The following ADAM20 variants were observed in gnomAD, a reference collection of about 807,000 sequenced individuals.
ADAM20 encodes disintegrin and metalloproteinase domain-containing protein 20.
For synonymous variants in ADAM20, 305 were observed against 310.2 expected (o/e 0.98, Z 0.18); for missense variants, 871 against 883.2 (o/e 0.99, Z 0.18).
the ADAM20 span, among the ~76,000 whole-genome samples, chr14:70,563,141 C>T: frequency 1.3e-5 from 2 of 152,078 alleles, no homozygotes; most frequent in African/African-American, 4.8e-5. Flanking sequence ...AGTCACATGA[C>T]CATAACTGGA....
At chr14:70,527,945 T>C (rs1004135525) in intron 1 of ADAM20, among the ~76,000 whole-genome samples, 1 of 152,216 alleles carries the variant, frequency 6.6e-6, no homozygotes, top group Non-Finnish European at 1.5e-5. Flanking sequence ...AACCACATTA[T>C]AGTATCCTTC....
At chr14:70,544,218 A>G in the ADAM20 span, among the ~76,000 whole-genome samples, 8 of 152,358 alleles carry the variant, frequency 5.3e-5, no homozygotes, top group Non-Finnish European at 8.8e-5. Flanking sequence ...AGTCTGTAAG[A>G]GAGAGCACTC....
rs143888877 is a variant in ADAM20, at chr14:70,523,606, A to C, written c.1152T>G (p.Tyr384Ter). 6.2e-7 allele frequency: 1 copy of C among 1,614,064 alleles called. No homozygotes were observed. The change falls in exon 2 of 2, where the codon TAT (tyrosine) becomes TAG (stop). Residue 384 changes from tyrosine (Y) to a stop codon, truncating the protein, a stop_gained. Transcript: ENST00000256389. LOFTEE classifies it low-confidence loss of function (END_TRUNC). Reference protein sequence around the residue: ...TKFSNCSYAQYWDSTISSGLC... With the variant: ...TKFSNCSYAQ Reference sequence around the variant, plus strand: ...ATCCACTACTGATAGTACTGTCCCAATATTGGGCATAACTGCAGTTGCTAA... The same window carrying C: ...ATCCACTACTGATAGTACTGTCCCACTATTGGGCATAACTGCAGTTGCTAA...
chr14:70,554,867 A>T, the ADAM20 span, among the ~76,000 whole-genome samples: 1 of 152,186 alleles, frequency 6.6e-6, no homozygotes, highest in Admixed American at 6.5e-5. Context: ...CAAGGAAGGA[A>T]CGAAGGGATT....
At chr14:70,564,163 A>G in the ADAM20 span, among the ~76,000 whole-genome samples, 5 of 152,260 alleles carry the variant, frequency 3.3e-5, no homozygotes, top group African/African-American at 1.2e-4. Flanking sequence ...GACAACTAGG[A>G]GCAAAACAGA....
At chr14:70,565,506 A>G in the ADAM20 span, among the ~76,000 whole-genome samples, 2 of 152,202 alleles carry the variant, frequency 1.3e-5, no homozygotes, top group Non-Finnish European at 2.9e-5. Flanking sequence ...GAATTTTCAA[A>G]CCAGCAAGAG....
chr14:70,553,770 TA>T, the ADAM20 span, among the ~76,000 whole-genome samples: 68 of 149,488 alleles, frequency 4.5e-4, no homozygotes, highest in African/African-American at 1.6e-3. Context: ...AAAACTGGTA[TA>T]AAAGGAACAT....
At chr14:70,567,154 G>A in the ADAM20 span, among the ~76,000 whole-genome samples, 2 of 152,136 alleles carry the variant, frequency 1.3e-5, no homozygotes, top group Non-Finnish European at 2.9e-5. Context: ...AGGAATTCAT[G>A]TACTCCCCTG....
rs1883511431 is a variant in ADAM20 at position 70,523,697 on chromosome 14, G to A, written c.1061C>T (p.Thr354Ile). 10 of 1,614,014 alleles carry A rather than the reference G, an allele frequency of 6.2e-6. No individual in the cohort carries two copies. Among genetic ancestry groups the A allele is most frequent in the Non-Finnish European group, 8.5e-6 (10 of 1,179,960 alleles). Residue 354 changes from threonine (T) to isoleucine (I), a missense_variant, in exon 2 of 2, where the codon ACC becomes ATC. Thr to Ile is a moderately conservative substitution (Grantham distance 89). Coordinates refer to ENST00000256389, the MANE Select transcript of ADAM20 (RefSeq NM_003814.5). ...CTGTAGCTCGCACACACACCACTGGGTGTCATGTTGCATACCCAAATTATG... is the reference window on the plus strand; with the variant it reads ...CTGTAGCTCGCACACACACCACTGGATGTCATGTTGCATACCCAAATTATG... The part of the protein sequence containing the change: ...LGHNLGMQHD[T>I]QWCVCELQWC...
At chr14:70,539,919 C>A (rs568284459), upstream of ADAM20, among the ~76,000 whole-genome samples, 1 of 152,316 alleles carries the variant, frequency 6.6e-6, no homozygotes, top group African/African-American at 2.4e-5. Context: ...CGGTGACCCC[C>A]CTGGACCCAG....
upstream of ADAM20, among the ~76,000 whole-genome samples, chr14:70,539,077 C>T (rs1290489659): frequency 2.0e-5 from 3 of 149,108 alleles, no homozygotes; most frequent in Admixed American, 6.7e-5. Context: ...ACTGCCAGAA[C>T]GAGCCAACAG....
the ADAM20 span, among the ~76,000 whole-genome samples, chr14:70,565,510 G>A: frequency 3.9e-5 from 6 of 152,208 alleles, no homozygotes; most frequent in South Asian, 8.3e-4. Flanking sequence ...TTTCAAACCA[G>A]CAAGAGAAAA....
chr14:70,576,904 C>G, the ADAM20 span, among the ~76,000 whole-genome samples: 1 of 152,174 alleles, frequency 6.6e-6, no homozygotes. Context: ...GGGGGATTCA[C>G]AACCCAGTGA....
the ADAM20 span, among the ~76,000 whole-genome samples, chr14:70,574,657 A>G: frequency 6.6e-6 from 1 of 152,108 alleles, no homozygotes; most frequent in African/African-American, 2.4e-5. Flanking sequence ...AAAAGAAAGA[A>G]AGAAAGAAGA....
intron 1 of ADAM20, 60 bp from the exon 2 acceptor site, chr14:70,524,993 G>A: frequency 7.2e-7 from 1 of 1,392,286 alleles, no homozygotes; most frequent in South Asian, 1.4e-5. Context: ...GAGAAAAAAG[G>A]CAAAGTGATT....
chr14:70,540,122 G>T, the ADAM20 span, among the ~76,000 whole-genome samples: 1 of 152,018 alleles, frequency 6.6e-6, no homozygotes, highest in South Asian at 2.1e-4. Context: ...CTCGTGATCC[G>T]CCTGCCTTGG....
rs1883541476 is a variant in ADAM20 at position 70,524,533 on chromosome 14, G to A, written c.225C>T (p.His75=). The A allele has an allele frequency of 1.2e-6, 2 of 1,613,874 alleles. No homozygotes were observed. The highest frequency in any genetic ancestry group is 1.1e-5 in the South Asian group (1 of 91,076). Residue 75 remains histidine (H), a synonymous_variant, in exon 2 of 2, where the codon CAC becomes CAT. Transcript: ENST00000256389. ...CAAACAACAGCTTATTTACCCTCATGTGGACAATGTATCTCTGTCCCCCAA... is the reference window on the plus strand; with the variant it reads ...CAAACAACAGCTTATTTACCCTCATATGGACAATGTATCTCTGTCCCCCAA... ...LRFGGQRYIV[H]MRVNKLLFAA...
At chr14:70,527,295 C>T (rs1883610689) in intron 1 of ADAM20, among the ~76,000 whole-genome samples, 1 of 152,150 alleles carries the variant, frequency 6.6e-6, no homozygotes, top group Admixed American at 6.5e-5. Context: ...CCTCCAGTTC[C>T]AGCTCATAGC....
At position 70,524,127 on chromosome 14, in the gene ADAM20, G is replaced by C. The variant is rs1566655646; in HGVS notation, c.631C>G (p.Leu211Val). Residue 211 changes from leucine (L) to valine (V), a missense_variant, in exon 2 of 2, where the codon CTG becomes GTG. Coordinates refer to ENST00000256389, the MANE Select transcript of ADAM20 (RefSeq NM_003814.5). ...CTAATATTATCCACGACCACTACCAGCTCAACAAACCGCTGATGGGTCCAC... is the reference window on the plus strand; with the variant it reads ...CTAATATTATCCACGACCACTACCACCTCAACAAACCGCTGATGGGTCCAC... ...GWWTHQRFVE[L>V]VVVVDNIRYL... is the part of the protein sequence containing the mutation. 6.2e-7 allele frequency: 1 copy of C among 1,613,870 alleles called. No individual in the cohort carries two copies. Among genetic ancestry groups the C allele is most frequent in the East Asian group, 2.2e-5 (1 of 44,864 alleles).
Sources: allele counts gnomAD v4.1 joint callset (sites outside exome capture counted in the v4.1 genomes callset), GRCh38; gene constraint gnomAD v4.1.1; transcripts MANE v1.5; gene names NCBI Gene and HGNC (gene_info 2026-07-23, HGNC 2026-07-21).